PTPRR: variants seen among roughly 807,000 people sequenced by gnomAD.
PTPRR encodes the protein receptor-type tyrosine-protein phosphatase R.
A neutral mutation model predicts 77.2 loss-of-function variants in PTPRR; 38 were observed. That is an observed-to-expected ratio of 0.49 (90% CI 0.38 to 0.65). The LOEUF is 0.65. Among genes scored for constraint, PTPRR ranks in the 30% least tolerant of loss-of-function variants. The probability of loss-of-function intolerance (pLI) is 0.00; values close to 1 mark genes in which losing one functional copy is unlikely to be tolerated. For synonymous variants in PTPRR, 299 were observed against 283.1 expected (o/e 1.06, Z -0.57); for missense variants, 744 against 799.2 (o/e 0.93, Z 0.83).
rs148866452 is a variant in PTPRR, at chr12:70,865,177, G to A, written c.357+27502C>T. ...GGCCCTCATTTCTCTCTTGCCTGTCGCCATGTAAGACGTGCCTTTTGCCTT... is the reference window on the plus strand; with the variant it reads ...GGCCCTCATTTCTCTCTTGCCTGTCACCATGTAAGACGTGCCTTTTGCCTT... On this transcript the variant is annotated intron_variant, in intron 2 of 13. Transcript: ENST00000283228. 5.9e-5 allele frequency among the ~76,000 whole-genome samples: 9 copies of A among 152,046 alleles called. No homozygotes were observed. In the East Asian group the frequency reaches 1.4e-3, roughly 23 times the overall value.
intron 2 of PTPRR, among the ~76,000 whole-genome samples, chr12:70,833,831 T>C (rs1892256736): frequency 2.6e-5 from 4 of 152,138 alleles, no homozygotes; most frequent in African/African-American, 9.7e-5. Context: ...CATAAAGAAC[T>C]TCAAGTTTTT....
intron 6 of PTPRR, among the ~76,000 whole-genome samples, chr12:70,724,873 A>G (rs112130751): frequency 1.4e-4 from 21 of 152,298 alleles, no homozygotes; most frequent in African/African-American, 4.8e-4. Flanking sequence ...TGGTGGTGCA[A>G]CTGGCTAGGA....
intron 2 of PTPRR, among the ~76,000 whole-genome samples, chr12:70,852,113 T>C (rs985727224): frequency 2.6e-5 from 4 of 152,012 alleles, no homozygotes; most frequent in Admixed American, 6.6e-5. Context: ...GGAAGGGAGC[T>C]GAAGGGTGTG....
In PTPRR at chr12:70,782,606, G is replaced by A. The variant is rs533456409; in HGVS notation, c.358-17828C>T. On this transcript the variant is annotated intron_variant, in intron 2 of 13. Coordinates refer to ENST00000283228, the MANE Select transcript of PTPRR (RefSeq NM_002849.4). Reference sequence around the variant, plus strand: ...TCACAAGGACAAAAAACCAAACACCGCATGTTCTCACTCATAGTGGGAATT... The same window carrying A: ...TCACAAGGACAAAAAACCAAACACCACATGTTCTCACTCATAGTGGGAATT... 1.2e-4 allele frequency among the ~76,000 whole-genome samples: 18 copies of A among 151,928 alleles called. No homozygotes were observed. In the South Asian group the frequency reaches 2.7e-3, roughly 23 times the overall value.
chr12:70,804,878 G>C (rs959687085), intron 2 of PTPRR, among the ~76,000 whole-genome samples: 2 of 152,110 alleles, frequency 1.3e-5, no homozygotes, highest in Non-Finnish European at 2.9e-5. Flanking sequence ...CAAAAAGAAA[G>C]TTTTAGTTTC....
chr12:70,775,265 G>A (rs1891064709), intron 2 of PTPRR, among the ~76,000 whole-genome samples: 1 of 152,082 alleles, frequency 6.6e-6, no homozygotes, highest in African/African-American at 2.4e-5. Flanking sequence ...CCTCTGTCTT[G>A]TTAGATTCCT....
chr12:70,733,057 A>G (rs922201113), intron 6 of PTPRR, among the ~76,000 whole-genome samples: 1 of 152,108 alleles, frequency 6.6e-6, no homozygotes, highest in Non-Finnish European at 1.5e-5. Flanking sequence ...AAAGTAAGGC[A>G]GGTGGGATGG....
intron 13 of PTPRR, among the ~76,000 whole-genome samples, chr12:70,648,875 G>GA (rs10706851): frequency 8.8e-5 from 13 of 147,160 alleles, no homozygotes; most frequent in South Asian, 4.3e-4. Context: ...CTCCTACTTG[G>GA]AAAAAAAAAA....
In PTPRR at chr12:70,871,659, A is replaced by C. The variant is rs1162001076; in HGVS notation, c.357+21020T>G. On this transcript the variant is annotated intron_variant, in intron 2 of 13. Coordinates refer to ENST00000283228, the MANE Select transcript of PTPRR (RefSeq NM_002849.4). ...TCAGTACTTGAGTATGGTAAACATC[A>C]AGTTCTACAATGTATACAGAGATAT... Among the ~76,000 whole-genome samples the C allele has an allele frequency of 2.0e-5, 3 of 152,338 alleles. No individual in the cohort carries two copies. In the East Asian group the frequency reaches 5.8e-4, roughly 29 times the overall value.
intron 2 of PTPRR, among the ~76,000 whole-genome samples, chr12:70,806,732 TC>T (rs1199801279): frequency 6.6e-6 from 1 of 152,176 alleles, no homozygotes; most frequent in Non-Finnish European, 1.5e-5. Flanking sequence ...GAATCGTAGT[TC>T]CCATTTCCTT....
At chr12:70,774,154 T>A (rs1298928175) in intron 2 of PTPRR, among the ~76,000 whole-genome samples, 3 of 143,440 alleles carry the variant, frequency 2.1e-5, no homozygotes, top group Non-Finnish European at 4.4e-5. Context: ...CAAAGATGGA[T>A]TCCTTAGTTT....
At chr12:70,891,835 T>C (rs1264179421) in intron 2 of PTPRR, among the ~76,000 whole-genome samples, 1 of 152,136 alleles carries the variant, frequency 6.6e-6, no homozygotes, top group African/African-American at 2.4e-5. Context: ...GTTGCCAAAA[T>C]GCAAACATGG....
At chr12:70,847,710 C>T (rs55993052) in intron 2 of PTPRR, among the ~76,000 whole-genome samples, 2,390 of 152,178 alleles carry the variant, frequency 0.016, 33 homozygotes, top group Non-Finnish European at 0.026. Context: ...CTCCTACAAC[C>T]CTAATGCTTA....
At chr12:70,825,774 G>A (rs929234643) in intron 2 of PTPRR, among the ~76,000 whole-genome samples, 2 of 152,054 alleles carry the variant, frequency 1.3e-5, no homozygotes, top group Non-Finnish European at 2.9e-5. Context: ...ATCTTATATC[G>A]CCCTCAGTTA....
intron 1 of PTPRR, among the ~76,000 whole-genome samples, chr12:70,917,692 G>A (rs1262713392): frequency 6.6e-6 from 1 of 152,074 alleles, no homozygotes; most frequent in Non-Finnish European, 1.5e-5. Context: ...TTTTCCCCCC[G>A]ATGGTGTCTT....
chr12:70,844,583 T>C (rs567886257), intron 2 of PTPRR, among the ~76,000 whole-genome samples: 67 of 152,260 alleles, frequency 4.4e-4, no homozygotes, highest in Admixed American at 3.5e-3. Flanking sequence ...TGGGGAGATG[T>C]TGGTCAAGGG....
At chr12:70,760,935 A>G (rs1031891745) in intron 4 of PTPRR, among the ~76,000 whole-genome samples, 4 of 152,206 alleles carry the variant, frequency 2.6e-5, no homozygotes, top group African/African-American at 9.6e-5. Flanking sequence ...AAATTTGGAA[A>G]ATACTATGAA....
At chr12:70,652,002 A>G (rs1050900711) in intron 13 of PTPRR, among the ~76,000 whole-genome samples, 2 of 152,200 alleles carry the variant, frequency 1.3e-5, no homozygotes, top group African/African-American at 4.8e-5. Flanking sequence ...TGAAGAGTCC[A>G]TGATTAAATA....
intron 6 of PTPRR, among the ~76,000 whole-genome samples, chr12:70,744,667 G>T (rs2136923740): frequency 6.6e-6 from 1 of 152,182 alleles, no homozygotes; most frequent in South Asian, 2.1e-4. Context: ...ATAGGGCATT[G>T]TGATGTATCA....
Sources: gnomAD v4.1 joint callset for allele counts (sites outside exome capture counted in the v4.1 genomes callset) on GRCh38, gnomAD v4.1.1 for gene constraint, MANE v1.5 for transcripts, NCBI Gene and HGNC (gene_info 2026-07-23, HGNC 2026-07-21) for gene names.